Variants in LYRM4 observed in about 807,000 individuals in gnomAD.
LYRM4 encodes LYR motif containing 4.
In LYRM4, 9 loss-of-function variants were observed where a neutral mutation model predicts 11.7. The observed-to-expected ratio is 0.77, with a 90% CI of 0.46 to 1.34. The LOEUF (loss-of-function observed/expected upper bound fraction) is 1.34, where lower values mean the gene tolerates loss of function less well. Among genes scored for constraint, LYRM4 ranks in the 40% most tolerant of loss-of-function variants. LYRM4 has a pLI of 0.00. For synonymous variants in LYRM4, 42 were observed against 40.4 expected, an observed-to-expected ratio of 1.04 and a Z score of -0.15; for missense variants, 133 against 112.5, an observed-to-expected ratio of 1.18 and a Z score of -0.82.
At chr6:5,250,136 A>G (rs369258382) in intron 1 of LYRM4, among the ~76,000 whole-genome samples, 1 of 152,096 alleles carries the variant, frequency 6.6e-6, no homozygotes, top group East Asian at 1.9e-4. Flanking sequence ...TATATTCTCT[A>G]TCTTTATTTT....
intron 2 of LYRM4, among the ~76,000 whole-genome samples, chr6:5,171,659 C>A (rs1446936706): frequency 1.3e-5 from 2 of 152,150 alleles, no homozygotes; most frequent in Non-Finnish European, 2.9e-5. Flanking sequence ...TGCTTGTTAA[C>A]CAACCGTATA....
intron 2 of LYRM4, chr6:5,138,823 A>G (rs1757253436): frequency 2.9e-6 from 3 of 1,032,466 alleles, no homozygotes; most frequent in Non-Finnish European, 4.3e-6. Flanking sequence ...AAACAGAAGC[A>G]AGTGCTAGAG....
At chr6:5,133,132 G>A (rs1240367931) in intron 2 of LYRM4, among the ~76,000 whole-genome samples, 1 of 152,172 alleles carries the variant, frequency 6.6e-6, no homozygotes, top group Non-Finnish European at 1.5e-5. Flanking sequence ...ACTTGTCCCC[G>A]TGCTGCCATC....
the LYRM4 span, among the ~76,000 whole-genome samples, chr6:5,093,258 TTTTTG>T: frequency 6.6e-6 from 1 of 152,258 alleles, no homozygotes; most frequent in African/African-American, 2.4e-5. Context: ...TTTGTTTGTT[TTTTTG>T]TTTTTTGTTT....
At chr6:5,233,405 T>G (rs900456024) in intron 1 of LYRM4, among the ~76,000 whole-genome samples, 2 of 152,186 alleles carry the variant, frequency 1.3e-5, no homozygotes, top group Non-Finnish European at 2.9e-5. Context: ...AATACTTGAA[T>G]ATTAAAGCAG....
chr6:5,257,805 T>C (rs1309292546), intron 1 of LYRM4, among the ~76,000 whole-genome samples: 1 of 152,178 alleles, frequency 6.6e-6, no homozygotes, highest in Non-Finnish European at 1.5e-5. Flanking sequence ...CTGTCTTCCA[T>C]GAAATTGGTT....
At chr6:5,103,243 A>C (rs1762556650), downstream of LYRM4, 2 of 152,366 alleles carry the variant, frequency 1.3e-5, no homozygotes, top group South Asian at 2.1e-4. Flanking sequence ...AACACAGAAG[A>C]AGCGGGGAGG....
At chr6:5,229,860 C>T (rs1763128841) in intron 1 of LYRM4, among the ~76,000 whole-genome samples, 1 of 152,178 alleles carries the variant, frequency 6.6e-6, no homozygotes, top group South Asian at 2.1e-4. Flanking sequence ...CTTTCAGTCT[C>T]TAGAGGAAAA....
intron 1 of LYRM4, among the ~76,000 whole-genome samples, chr6:5,241,556 T>C (rs1000647826): frequency 1.3e-5 from 2 of 149,816 alleles, no homozygotes; most frequent in East Asian, 1.9e-4. Context: ...TTGTACAGCA[T>C]AGGCATTTAT....
chr6:5,203,272 G>T (rs1761495845), intron 2 of LYRM4, among the ~76,000 whole-genome samples: 1 of 152,144 alleles, frequency 6.6e-6, no homozygotes, highest in Admixed American at 6.5e-5. Context: ...TGTTGATCAG[G>T]CACCATTCTA....
At chr6:5,162,411 A>G (rs1437488362) in intron 2 of LYRM4, among the ~76,000 whole-genome samples, 2 of 152,154 alleles carry the variant, frequency 1.3e-5, no homozygotes, top group Non-Finnish European at 2.9e-5. Flanking sequence ...GAAGGATGAC[A>G]CTACTGACCC....
At chr6:5,215,663 A>G (rs1457561936) in intron 2 of LYRM4, among the ~76,000 whole-genome samples, 1 of 152,244 alleles carries the variant, frequency 6.6e-6, no homozygotes, top group Non-Finnish European at 1.5e-5. Flanking sequence ...TTTAGAGTCA[A>G]GCATGAAGAA....
At chr6:5,258,021 TGAAG>T (rs1405466866) in intron 1 of LYRM4, among the ~76,000 whole-genome samples, 1 of 152,072 alleles carries the variant, frequency 6.6e-6, no homozygotes, top group Non-Finnish European at 1.5e-5. Flanking sequence ...AGCTCAATCT[TGAAG>T]GAAGAGGGGG....
chr6:5,116,558 T>C (rs574502379), intron 2 of LYRM4, among the ~76,000 whole-genome samples: 1 of 152,336 alleles, frequency 6.6e-6, no homozygotes, highest in South Asian at 2.1e-4. Context: ...GCTGCAGGTG[T>C]GAGGGTCTGG....
At chr6:5,144,188 A>C in intron 2 of LYRM4, 2 of 1,536,860 alleles carry the variant, frequency 1.3e-6, no homozygotes, top group South Asian at 2.4e-5. Flanking sequence ...CTCAAGGCCA[A>C]CTTGTGCAGG....
chr6:5,136,724 C>G (rs760677087), intron 2 of LYRM4: 2 of 985,248 alleles, frequency 2.0e-6, no homozygotes, highest in Non-Finnish European at 2.4e-6. Context: ...CATGCTAAAC[C>G]GCCCCAAGGA....
chr6:5,228,588 C>T (rs1361557089), intron 1 of LYRM4, among the ~76,000 whole-genome samples: 1 of 151,958 alleles, frequency 6.6e-6, no homozygotes, highest in East Asian at 1.9e-4. Flanking sequence ...AAGAAAGTGT[C>T]TTTAAAATAA....
the LYRM4 span, among the ~76,000 whole-genome samples, chr6:5,041,479 C>G: frequency 9.2e-5 from 14 of 152,098 alleles, no homozygotes; most frequent in Non-Finnish European, 1.9e-4. Flanking sequence ...ATTTGCTCCA[C>G]CAGCTTACTA....
chr6:5,187,621 G>A (rs1760488778), intron 2 of LYRM4, among the ~76,000 whole-genome samples: 1 of 152,032 alleles, frequency 6.6e-6, no homozygotes, highest in African/African-American at 2.4e-5. Context: ...GGGGGCTGGG[G>A]GAGGGATAGC....
Sources: gnomAD v4.1 joint callset for allele counts (sites outside exome capture counted in the v4.1 genomes callset) on GRCh38, gnomAD v4.1.1 for gene constraint, MANE v1.5 for transcripts, NCBI Gene and HGNC (gene_info 2026-07-23, HGNC 2026-07-21) for gene names.